The following RRAGC variants were observed in gnomAD, a reference collection of about 807,000 sequenced individuals.
The protein encoded by RRAGC is Ras related GTP binding C.
Under a neutral mutation model 37.1 loss-of-function variants are expected in RRAGC, and 8 were observed. That is an observed-to-expected ratio of 0.22 (90% CI 0.13 to 0.39). RRAGC has a LOEUF of 0.39. RRAGC is among the 10% of genes least tolerant of loss of function. The pLI, the probability that RRAGC is intolerant of heterozygous loss-of-function variation, is 1.00. For missense variants in RRAGC, 342 were observed against 497.6 expected, an observed-to-expected ratio of 0.69 and a Z score of 2.98; for synonymous variants, 190 against 181.1, an observed-to-expected ratio of 1.05 and a Z score of -0.39.
In RRAGC at chr1:38,839,348, T is replaced by TTG; in HGVS notation, c.*204_*205insCA. On this transcript the variant is annotated 3_prime_UTR_variant, in exon 7 of 7. Coordinates refer to ENST00000373001, the MANE Select transcript of RRAGC (RefSeq NM_022157.4). ...CTCCAGAATTTTTTTTTTTTTTTTT[T>TTG]GCCATTTTCAAAAAAGATATAGTAG... The TTG allele has an allele frequency of 2.4e-6, 1 of 414,072 alleles. No individual in the cohort carries two copies. Among genetic ancestry groups the TTG allele is most frequent in the Non-Finnish European group, 4.2e-6 (1 of 237,300 alleles). 25.6% of individuals were successfully genotyped at this position (414,072 alleles called of 1,614,324 possible).
Position 38,839,489 on chromosome 1 carries a change from C to T in RRAGC, c.*64G>A. The T allele has an allele frequency of 1.0e-5, 16 of 1,574,920 alleles. No homozygotes were observed. In the South Asian group the frequency reaches 1.7e-4, roughly 17 times the overall value. On this transcript the variant is annotated 3_prime_UTR_variant, in exon 7 of 7. Coordinates refer to ENST00000373001, the MANE Select transcript of RRAGC (RefSeq NM_022157.4). ...AAGCAGCAGCTCCCATGTCCTGTAG[C>T]ACGTGGCATCCGACCCTGGAGTGAA...
intron 6 of RRAGC, among the ~76,000 whole-genome samples, chr1:38,843,576 C>T (rs777662508): frequency 8.6e-5 from 13 of 151,860 alleles, no homozygotes; most frequent in Non-Finnish European, 1.3e-4. Flanking sequence ...AAAAAGTAGC[C>T]GGGCGTGGTG....
intron 5 of RRAGC, among the ~76,000 whole-genome samples, chr1:38,851,003 A>G (rs1387686386): frequency 6.6e-6 from 1 of 152,182 alleles, no homozygotes; most frequent in East Asian, 1.9e-4. Flanking sequence ...TAATTCTCCA[A>G]AGTTTTCACC....
chr1:38,843,835 C>T (rs1641995487), intron 6 of RRAGC, among the ~76,000 whole-genome samples: 1 of 151,952 alleles, frequency 6.6e-6, no homozygotes, highest in Non-Finnish European at 1.5e-5. Context: ...AACTAATCTG[C>T]CTTTGGGATA....
intron 4 of RRAGC, 60 bp from the exon 5 acceptor site, chr1:38,851,817 T>C (rs910139286): frequency 2.7e-6 from 4 of 1,467,372 alleles, no homozygotes; most frequent in Non-Finnish European, 2.8e-6. Context: ...TTACAACTTA[T>C]CGAAGATCTA....
rs1211161703 is a variant in RRAGC at position 38,859,715 on chromosome 1, A to G, written c.-69T>C. The G allele has an allele frequency of 1.7e-5, 21 of 1,212,344 alleles. 1 individual carries two copies. The Admixed American group carries it at 8.2e-4, about 47-fold the overall frequency. The allele number at this position is 1,212,344 out of a possible 1,614,324, so 75.1% of individuals were successfully genotyped here. On this transcript the variant is annotated 5_prime_UTR_variant, in exon 1 of 7. Coordinates refer to ENST00000373001, the MANE Select transcript of RRAGC (RefSeq NM_022157.4). The stretch of plus-strand genomic sequence containing the variant: ...GGCCGAGCCAGGCCGCCGCCTCCCC[A>G]GTCCGCCTCCGCCGCCGCCGCCACC...
chr1:38,855,580 G>A (rs1190184540), intron 3 of RRAGC, 128 bp downstream of exon 3: 1 of 782,578 alleles, frequency 1.3e-6, no homozygotes, highest in East Asian at 2.5e-5. Context: ...TCAACAACAA[G>A]ATCAAAAACA....
intron 3 of RRAGC, among the ~76,000 whole-genome samples, chr1:38,855,327 A>G (rs1570870395): frequency 6.7e-6 from 1 of 149,024 alleles, no homozygotes; most frequent in Admixed American, 6.6e-5. Context: ...CTAAGACTCA[A>G]GCTAAAGACT....
At chr1:38,845,878 A>C in intron 6 of RRAGC, 61 bp downstream of exon 6, 1 of 1,403,970 alleles carries the variant, frequency 7.1e-7, no homozygotes, top group Non-Finnish European at 9.7e-7. Context: ...CTTGTTTTCA[A>C]GAACCTGAGA....
At chr1:38,852,054 A>C (rs928915036) in intron 4 of RRAGC, among the ~76,000 whole-genome samples, 3 of 152,248 alleles carry the variant, frequency 2.0e-5, no homozygotes, top group Non-Finnish European at 2.9e-5. Context: ...ATCTCTAAAA[A>C]TCAAGCAATG....
At chr1:38,841,020 T>C (rs1198054866) in intron 6 of RRAGC, among the ~76,000 whole-genome samples, 4 of 152,240 alleles carry the variant, frequency 2.6e-5, no homozygotes, top group Admixed American at 1.3e-4. Flanking sequence ...TAGAGATACC[T>C]ACTGAAATCT....
In RRAGC at chr1:38,859,607, C is replaced by A. The variant is rs1642212460; in HGVS notation, c.40G>T (p.Gly14Cys). The A allele has an allele frequency of 1.9e-6, 3 of 1,564,570 alleles. No homozygotes were observed. Among genetic ancestry groups the A allele is most frequent in the African/African-American group, 1.4e-5 (1 of 74,072 alleles). ...AACGAATCGGCCGCGCCGTAACTGC[C>A]GGCGAGGGGCGTCTCCTCCGCCCCG... ...QYGAEETPLA[G>C]SYGAADSFPK... Residue 14 changes from glycine (G) to cysteine (C), a missense_variant, in exon 1 of 7, where the codon GGC becomes TGC. Physicochemically the swap from Gly to Cys is radical, Grantham distance 159. Coordinates refer to ENST00000373001, the MANE Select transcript of RRAGC (RefSeq NM_022157.4).
At chr1:38,850,205 C>CA (rs1557586277) in intron 5 of RRAGC, among the ~76,000 whole-genome samples, 2 of 146,126 alleles carry the variant, frequency 1.4e-5, no homozygotes, top group Non-Finnish European at 3.0e-5. Flanking sequence ...GACTCTTTTT[C>CA]AAAAAACAAA....
rs539460461 is a variant in RRAGC, at chr1:38,840,109, T to C, written c.1049-405A>G. 1.3e-3 allele frequency among the ~76,000 whole-genome samples: 192 copies of C among 148,226 alleles called. 1 individual carries two copies. Among genetic ancestry groups the C allele is most frequent in the Non-Finnish European group, 2.1e-3 (140 of 67,406 alleles). ...CTTGCAGTGAGCCAAGATTGCACCA[T>C]TGCATTCCAGCCTGGGTGACAGAGC... On this transcript the variant is annotated intron_variant, in intron 6 of 6. Transcript: ENST00000373001.
intron 1 of RRAGC, 132 bp from the exon 2 acceptor site, chr1:38,857,214 G>A: frequency 1.6e-6 from 1 of 631,204 alleles, no homozygotes; most frequent in Non-Finnish European, 2.8e-6. Context: ...AAACTGAATG[G>A]TGAATCCATT....
intron 1 of RRAGC, 38 bp downstream of exon 1, chr1:38,859,372 C>CGGGGAG (rs1330155622): frequency 6.5e-7 from 1 of 1,532,734 alleles, no homozygotes; most frequent in Non-Finnish European, 8.8e-7. Context: ...ACCTGAGAAC[C>CGGGGAG]GGGGAGGGGG....
At chr1:38,846,765 A>G (rs1642033226) in intron 5 of RRAGC, 1 of 152,078 alleles carries the variant, frequency 6.6e-6, no homozygotes, top group Non-Finnish European at 1.5e-5. Flanking sequence ...CTTTTTTAAA[A>G]GTATTTGCCT....
intron 6 of RRAGC, among the ~76,000 whole-genome samples, chr1:38,841,322 G>A (rs960701343): frequency 3.3e-5 from 5 of 151,910 alleles, no homozygotes; most frequent in African/African-American, 7.3e-5. Flanking sequence ...GGGACTCCTC[G>A]TGCTGCTCCA....
In RRAGC at chr1:38,838,607, A is replaced by G. The variant is rs1641912174; in HGVS notation, c.*946T>C. ...AAGTATGTAAAACAATGCCTGTTGC[A>G]GCACCACGTGCTCACTCCAACTCCC... On this transcript the variant is annotated 3_prime_UTR_variant, in exon 7 of 7. Coordinates refer to ENST00000373001, the MANE Select transcript of RRAGC (RefSeq NM_022157.4). 1.3e-5 allele frequency: 2 copies of G among 152,286 alleles called. No individual in the cohort carries two copies. 9.4% of individuals were successfully genotyped at this position (152,286 alleles called of 1,614,324 possible).
Sources: gnomAD v4.1 joint callset for allele counts (sites outside exome capture counted in the v4.1 genomes callset) on GRCh38, gnomAD v4.1.1 for gene constraint, MANE v1.5 for transcripts, NCBI Gene and HGNC (gene_info 2026-07-23, HGNC 2026-07-21) for gene names.